Variants in PRELID2 observed in about 807,000 individuals in gnomAD.
PRELID2 encodes PRELI domain-containing protein 2.
In PRELID2, 25 loss-of-function variants were observed where a neutral mutation model predicts 28.4. That is an observed-to-expected ratio of 0.88 (90% CI 0.64 to 1.23). PRELID2 has a LOEUF of 1.23. Ranked by LOEUF, PRELID2 falls within the 50% of genes most tolerant of loss-of-function variation. PRELID2 has a pLI of 0.00. For synonymous variants in PRELID2, 76 were observed against 71.6 expected, an observed-to-expected ratio of 1.06 and a Z score of -0.31; for missense variants, 201 against 214.4, an observed-to-expected ratio of 0.94 and a Z score of 0.39.
At chr5:145,603,453 T>C (rs2149639366) in intron 1 of PRELID2, among the ~76,000 whole-genome samples, 1 of 152,288 alleles carries the variant, frequency 6.6e-6, no homozygotes, top group East Asian at 1.9e-4. Context: ...ACCTAAAATG[T>C]TCTACCAAGT....
At chr5:145,612,338 A>C (rs1440894048) in intron 1 of PRELID2, among the ~76,000 whole-genome samples, 2 of 152,236 alleles carry the variant, frequency 1.3e-5, no homozygotes, top group East Asian at 3.8e-4. Flanking sequence ...TCCAAAACAC[A>C]AACAACAAAC....
At chr5:145,335,310 C>T in the PRELID2 span, among the ~76,000 whole-genome samples, 1 of 151,730 alleles carries the variant, frequency 6.6e-6, no homozygotes, top group South Asian at 2.1e-4. Flanking sequence ...TCTGTTTAGT[C>T]CTTTTTAATC....
the PRELID2 span, among the ~76,000 whole-genome samples, chr5:145,425,325 A>G: frequency 6.6e-6 from 1 of 152,218 alleles, no homozygotes; most frequent in Non-Finnish European, 1.5e-5. Context: ...AATTTATTCA[A>G]CTATTATAGA....
the PRELID2 span, among the ~76,000 whole-genome samples, chr5:145,323,283 A>G: frequency 6.6e-6 from 1 of 152,014 alleles, no homozygotes; most frequent in Non-Finnish European, 1.5e-5. Context: ...TGAGTGGGAG[A>G]GTGGCCTCAA....
chr5:145,418,488 T>C, the PRELID2 span, among the ~76,000 whole-genome samples: 62 of 152,162 alleles, frequency 4.1e-4, no homozygotes, highest in Middle Eastern at 0.014. Flanking sequence ...CTTCAAACTA[T>C]ACTACAGGGC....
At chr5:145,456,913 C>T in the PRELID2 span, among the ~76,000 whole-genome samples, 1 of 152,098 alleles carries the variant, frequency 6.6e-6, no homozygotes, top group Non-Finnish European at 1.5e-5. Flanking sequence ...GTGACTTGCC[C>T]ATCATCAATC....
At chr5:145,513,236 C>T (rs1035641887) in intron 1 of PRELID2, among the ~76,000 whole-genome samples, 1 of 151,542 alleles carries the variant, frequency 6.6e-6, no homozygotes, top group Admixed American at 6.6e-5. Flanking sequence ...AGCTAAGAAC[C>T]TTGAAAAAAG....
chr5:145,295,496 G>T, the PRELID2 span, among the ~76,000 whole-genome samples: 1 of 152,086 alleles, frequency 6.6e-6, no homozygotes, highest in South Asian at 2.1e-4. Flanking sequence ...AAAACTAAAA[G>T]AAATTGATTG....
the PRELID2 span, among the ~76,000 whole-genome samples, chr5:145,401,223 CT>C: frequency 9.5e-3 from 1,382 of 145,164 alleles, 4 homozygotes; most frequent in Non-Finnish European, 0.012. Context: ...TCTAGGATTT[CT>C]TTTTTTTTTT....
chr5:145,419,877 C>G, the PRELID2 span, among the ~76,000 whole-genome samples: 7 of 151,376 alleles, frequency 4.6e-5, no homozygotes, highest in Admixed American at 6.6e-5. Flanking sequence ...TAACATTTAA[C>G]TCTTTAATCC....
intron 1 of PRELID2, among the ~76,000 whole-genome samples, chr5:145,474,013 T>G (rs1752077985): frequency 6.6e-6 from 1 of 152,104 alleles, no homozygotes; most frequent in African/African-American, 2.4e-5. Flanking sequence ...GCAAGAACAG[T>G]GAAGAAAAGT....
chr5:145,348,403 T>C, the PRELID2 span, among the ~76,000 whole-genome samples: 1 of 152,120 alleles, frequency 6.6e-6, no homozygotes, highest in Non-Finnish European at 1.5e-5. Flanking sequence ...TAGTCCCTTT[T>C]TCTATGCTAT....
chr5:145,727,104 G>C (rs1756191161), intron 1 of PRELID2, among the ~76,000 whole-genome samples: 1 of 152,230 alleles, frequency 6.6e-6, no homozygotes, highest in South Asian at 2.1e-4. Flanking sequence ...CAGGTGGTGA[G>C]AATGTGGGGT....
At chr5:145,462,112 CGTT>C in the PRELID2 span, among the ~76,000 whole-genome samples, 4 of 152,098 alleles carry the variant, frequency 2.6e-5, no homozygotes, top group Admixed American at 2.6e-4. Context: ...AATGTAGCAT[CGTT>C]ATCAAGGATT....
the PRELID2 span, among the ~76,000 whole-genome samples, chr5:145,402,824 C>T: frequency 1.3e-5 from 2 of 152,126 alleles, no homozygotes; most frequent in African/African-American, 4.8e-5. Context: ...GAATCGATGT[C>T]ATATGTTTTA....
intron 1 of PRELID2, among the ~76,000 whole-genome samples, chr5:145,604,748 G>GTTTTTTTTTT (rs377653737): frequency 1.4e-3 from 149 of 108,852 alleles, no homozygotes; most frequent in East Asian, 2.2e-3. Context: ...GTTTTTTTTG[G>GTTTTTTTTTT]TTTTTTTTTT....
At chr5:145,608,974 T>C (rs1753568221) in intron 1 of PRELID2, among the ~76,000 whole-genome samples, 1 of 152,192 alleles carries the variant, frequency 6.6e-6, no homozygotes, top group Admixed American at 6.5e-5. Context: ...TTTTTTCTCT[T>C]TATCTTTGTC....
chr5:145,711,319 G>C (rs1245549318), intron 1 of PRELID2, among the ~76,000 whole-genome samples: 1 of 152,164 alleles, frequency 6.6e-6, no homozygotes, highest in East Asian at 1.9e-4. Flanking sequence ...ATCTTGGGTT[G>C]CAAAGAAATC....
At chr5:145,531,055 A>G (rs541915160) in intron 1 of PRELID2, among the ~76,000 whole-genome samples, 1 of 152,270 alleles carries the variant, frequency 6.6e-6, no homozygotes, top group Non-Finnish European at 1.5e-5. Flanking sequence ...CTTGGGCTTT[A>G]ATTCTGCTGT....
Sources: gnomAD v4.1 joint callset for allele counts (sites outside exome capture counted in the v4.1 genomes callset) on GRCh38, gnomAD v4.1.1 for gene constraint, MANE v1.5 for transcripts, NCBI Gene and HGNC (gene_info 2026-07-23, HGNC 2026-07-21) for gene names.